RPS6KC1: variants seen among roughly 807,000 people sequenced by gnomAD.
RPS6KC1 encodes the protein ribosomal protein S6 kinase C1, also known as inactive ribosomal protein S6 kinase delta-1.
A neutral mutation model predicts 103.8 loss-of-function variants in RPS6KC1; 54 were observed. That is an observed-to-expected ratio of 0.52 (90% confidence interval 0.42 to 0.65). The LOEUF is 0.65. RPS6KC1 is among the 30% of genes least tolerant of loss of function. RPS6KC1 has a pLI of 0.00. For missense variants in RPS6KC1, 1,151 were observed against 1,253.8 expected (o/e 0.92, Z 1.24); for synonymous variants, 439 against 438.7 (o/e 1.00, Z -0.01).
At chr1:213,843,058 T>G in the RPS6KC1 span, among the ~76,000 whole-genome samples, 1 of 152,202 alleles carries the variant, frequency 6.6e-6, no homozygotes, top group African/African-American at 2.4e-5. Context: ...TATTGCAGTC[T>G]TGAGTCTGAA....
chr1:213,649,902 C>T, the RPS6KC1 span, among the ~76,000 whole-genome samples: 6 of 152,298 alleles, frequency 3.9e-5, no homozygotes, highest in East Asian at 3.9e-4. Flanking sequence ...TTGTAACAGA[C>T]ATTTGATCCC....
At chr1:213,487,495 AT>A in the RPS6KC1 span, among the ~76,000 whole-genome samples, 41,446 of 149,050 alleles carry the variant, frequency 0.28, 5,978 homozygotes, top group Middle Eastern at 0.37. Flanking sequence ...AGCCTGAGTG[AT>A]TTTTTTTTTT....
At chr1:213,565,632 C>G in the RPS6KC1 span, among the ~76,000 whole-genome samples, 1 of 152,108 alleles carries the variant, frequency 6.6e-6, no homozygotes, top group Non-Finnish European at 1.5e-5. Context: ...GAAAGGGACA[C>G]AAGGGAAATT....
intron 8 of RPS6KC1, among the ~76,000 whole-genome samples, chr1:213,223,902 C>A (rs2093897947): frequency 6.6e-6 from 1 of 152,160 alleles, no homozygotes; most frequent in Non-Finnish European, 1.5e-5. Flanking sequence ...CAGACAGTCC[C>A]TGAAATTACC....
intron 3 of RPS6KC1, among the ~76,000 whole-genome samples, chr1:213,084,224 G>T (rs555065458): frequency 1.3e-5 from 2 of 151,074 alleles, no homozygotes; most frequent in African/African-American, 4.9e-5. Context: ...ATATATGCAC[G>T]TAATTTTACA....
intron 12 of RPS6KC1, among the ~76,000 whole-genome samples, chr1:213,252,379 T>A (rs1231423263): frequency 4.6e-5 from 7 of 152,208 alleles, no homozygotes; most frequent in African/African-American, 1.4e-4. Context: ...TTTTTTAACC[T>A]TTCTCTACTC....
the RPS6KC1 span, among the ~76,000 whole-genome samples, chr1:213,486,181 A>C: frequency 4.6e-5 from 7 of 152,338 alleles, no homozygotes; most frequent in Middle Eastern, 3.4e-3. Flanking sequence ...AAATACATAT[A>C]TACACATATA....
At chr1:213,230,390 G>A in intron 8 of RPS6KC1, 107 bp from the exon 9 acceptor site, 1 of 671,118 alleles carries the variant, frequency 1.5e-6, no homozygotes, top group East Asian at 3.2e-5. Flanking sequence ...CAATTTTGGG[G>A]AGGGGATTAA....
chr1:213,584,408 T>A, the RPS6KC1 span, among the ~76,000 whole-genome samples: 4 of 152,088 alleles, frequency 2.6e-5, no homozygotes, highest in Admixed American at 6.5e-5. Context: ...CCAGAGAAAA[T>A]CCCCTCAAAT....
chr1:213,548,771 T>C, the RPS6KC1 span, among the ~76,000 whole-genome samples: 117,563 of 152,186 alleles, frequency 0.77, 46,674 homozygotes, highest in East Asian at 0.98. Flanking sequence ...TATTGTATGA[T>C]TTAATCTATA....
chr1:213,618,960 G>A, the RPS6KC1 span, among the ~76,000 whole-genome samples: 1 of 152,166 alleles, frequency 6.6e-6, no homozygotes, highest in Admixed American at 6.5e-5. Context: ...GTGCAGTGAT[G>A]GCGACACACA....
At chr1:213,790,513 A>C in the RPS6KC1 span, among the ~76,000 whole-genome samples, 3 of 152,236 alleles carry the variant, frequency 2.0e-5, no homozygotes, top group Admixed American at 2.0e-4. Flanking sequence ...AGTTGTCAAC[A>C]TCTGTCCAGG....
At chr1:213,801,839 C>T in the RPS6KC1 span, among the ~76,000 whole-genome samples, 74 of 152,186 alleles carry the variant, frequency 4.9e-4, no homozygotes, top group Middle Eastern at 3.4e-3. Context: ...ATGACATTCA[C>T]GGTCAGGAAT....
the RPS6KC1 span, among the ~76,000 whole-genome samples, chr1:213,329,758 A>G: frequency 8.5e-5 from 13 of 152,130 alleles, no homozygotes; most frequent in African/African-American, 1.4e-4. Context: ...CTCATAAAGT[A>G]AGAAAGACAT....
At chr1:213,363,679 T>TTTCTTTCTTTCTTTCC in the RPS6KC1 span, among the ~76,000 whole-genome samples, 2 of 89,442 alleles carry the variant, frequency 2.2e-5, no homozygotes, top group African/African-American at 1.1e-4. Context: ...TCTTTCTTTC[T>TTTCTTTCTTTCTTTCC]TTCTTTCTTT....
At chr1:213,369,147 A>G in the RPS6KC1 span, among the ~76,000 whole-genome samples, 1 of 152,202 alleles carries the variant, frequency 6.6e-6, no homozygotes, top group African/African-American at 2.4e-5. Flanking sequence ...TCAGTATGCT[A>G]CAGATAAGAC....
At chr1:213,690,150 G>T in the RPS6KC1 span, among the ~76,000 whole-genome samples, 4 of 152,276 alleles carry the variant, frequency 2.6e-5, no homozygotes, top group Admixed American at 2.0e-4. Flanking sequence ...AGAGGCTTTG[G>T]ATGGTTCAGC....
the RPS6KC1 span, among the ~76,000 whole-genome samples, chr1:213,525,716 A>G: frequency 6.6e-6 from 1 of 152,298 alleles, no homozygotes; most frequent in South Asian, 2.1e-4. Context: ...GTTTCATGGC[A>G]AAAGGAGTGA....
At chr1:213,857,409 A>G in the RPS6KC1 span, among the ~76,000 whole-genome samples, 1 of 152,178 alleles carries the variant, frequency 6.6e-6, no homozygotes, top group Non-Finnish European at 1.5e-5. Context: ...AAAATACCAG[A>G]CTTTAATGTG....
Sources: gnomAD v4.1 joint callset for allele counts (sites outside exome capture counted in the v4.1 genomes callset) on GRCh38, gnomAD v4.1.1 for gene constraint, MANE v1.5 for transcripts, NCBI Gene and HGNC (gene_info 2026-07-23, HGNC 2026-07-21) for gene names.